YES1: variants seen among roughly 807,000 people sequenced by gnomAD.
YES1 encodes YES proto-oncogene 1, Src family tyrosine kinase.
Under a neutral mutation model 70.4 loss-of-function variants are expected in YES1, and 39 were observed. That is an observed-to-expected ratio of 0.55 (90% CI 0.43 to 0.72). The LOEUF is 0.72. Among genes scored for constraint, YES1 ranks in the 30% least tolerant of loss-of-function variants. The pLI is 0.00. For synonymous variants in YES1, 198 were observed against 218.6 expected, an observed-to-expected ratio of 0.91 and a Z score of 0.83; for missense variants, 495 against 644.8, an observed-to-expected ratio of 0.77 and a Z score of 2.52.
intron 1 of YES1, among the ~76,000 whole-genome samples, chr18:793,460 C>T (rs1161458765): frequency 6.6e-6 from 1 of 152,166 alleles, no homozygotes; most frequent in African/African-American, 2.4e-5. Flanking sequence ...TCTCAGCCTC[C>T]TGAGTAGCTA....
At position 732,815 on chromosome 18, in the gene YES1, C is replaced by A. The variant is rs1277002920; in HGVS notation, c.1423+19G>T. ...AAGCCACTCATGAGATAACCAAGAG[C>A]TATAAAATGCAAGCTTACCTGGATA... is the stretch of plus-strand genomic sequence containing the variant. On this transcript the variant is annotated intron_variant, in intron 11 of 11. Transcript: ENST00000314574. The A allele has an allele frequency of 6.2e-7, 1 of 1,613,920 alleles. No individual in the cohort carries two copies. The highest frequency in any genetic ancestry group is 1.3e-5 in the African/African-American group (1 of 74,916).
chr18:744,363 A>G (rs2080252538), intron 6 of YES1, among the ~76,000 whole-genome samples: 1 of 151,088 alleles, frequency 6.6e-6, no homozygotes, highest in Admixed American at 6.7e-5. Context: ...TCAAGGAAAA[A>G]GTTCATTTAG....
chr18:759,441 T>C (rs1382058494), intron 1 of YES1, among the ~76,000 whole-genome samples: 1 of 152,174 alleles, frequency 6.6e-6, no homozygotes, highest in Non-Finnish European at 1.5e-5. Flanking sequence ...CACTCCAGCC[T>C]GGGCGACAAG....
intron 1 of YES1, among the ~76,000 whole-genome samples, chr18:789,975 T>C (rs1295810844): frequency 2.0e-5 from 3 of 152,144 alleles, no homozygotes; most frequent in East Asian, 1.9e-4. Context: ...GGAGAACTGC[T>C]TGAACCAGGG....
chr18:730,764 A>G (rs1339047376), intron 11 of YES1, among the ~76,000 whole-genome samples: 1 of 152,184 alleles, frequency 6.6e-6, no homozygotes, highest in African/African-American at 2.4e-5. Flanking sequence ...CAGTGCTATA[A>G]TAAGTTGGAT....
At chr18:798,341 A>G (rs186294648) in intron 1 of YES1, among the ~76,000 whole-genome samples, 1 of 152,328 alleles carries the variant, frequency 6.6e-6, no homozygotes, top group African/African-American at 2.4e-5. Flanking sequence ...CTTTTCTGAA[A>G]CATCGGTCAT....
At position 743,246 on chromosome 18, in the gene YES1, T is replaced by C; in HGVS notation, c.880+14A>G. The C allele has an allele frequency of 6.2e-7, 1 of 1,601,612 alleles. No homozygotes were observed. Among genetic ancestry groups the C allele is most frequent in the Non-Finnish European group, 8.5e-7 (1 of 1,172,562 alleles). The stretch of plus-strand genomic sequence containing the variant: ...GCTAAACAATGACAGAAAACAAAAA[T>C]TCAGGCTTCTTACCCATCCACACTT... On this transcript the variant is annotated intron_variant, in intron 7 of 11. Transcript: ENST00000314574.
At chr18:733,950 T>C (rs1047313525) in intron 10 of YES1, among the ~76,000 whole-genome samples, 1 of 152,214 alleles carries the variant, frequency 6.6e-6, no homozygotes, top group Admixed American at 6.5e-5. Context: ...AGATGATCAA[T>C]TTTCCTTGGC....
Position 724,567 on chromosome 18 carries a change from A to G in YES1, c.1489T>C (p.Cys497Arg). The G allele has an allele frequency of 6.2e-7, 1 of 1,614,202 alleles. No individual in the cohort carries two copies. The highest frequency in any genetic ancestry group is 8.5e-7 in the Non-Finnish European group (1 of 1,180,038). The stretch of plus-strand genomic sequence containing the variant: ...ATCAATTCATGGAGGGATTCTGGAC[A>G]GCCCTGAGGGCACGGCATCCTGTAT... ...RGYRMPCPQG[C>R]PESLHELMNL... The change falls in exon 12 of 12, where the codon TGT (cysteine) becomes CGT (arginine). Residue 497 changes from cysteine to arginine, a missense_variant. Coordinates refer to ENST00000314574, the MANE Select transcript of YES1 (RefSeq NM_005433.4).
intron 1 of YES1, among the ~76,000 whole-genome samples, chr18:763,508 G>A (rs1449424440): frequency 1.3e-5 from 2 of 151,816 alleles, no homozygotes; most frequent in African/African-American, 2.4e-5. Context: ...CAGCCTGGGC[G>A]TCATGGCAGA....
In YES1 at chr18:751,779, T is replaced by C. The variant is rs770347963; in HGVS notation, c.297A>G (p.Leu99=). The change falls in exon 3 of 12, where the codon TTA becomes TTG. Residue 99 remains leucine (L), a synonymous_variant. Coordinates refer to ENST00000314574, the MANE Select transcript of YES1 (RefSeq NM_005433.4). Reference sequence around the variant, plus strand: ...CTGTAGTTCTAGCTTCATAATCATATAAGGCCACAAATATAGTAACACCAC... The same window carrying C: ...CTGTAGTTCTAGCTTCATAATCATACAAGGCCACAAATATAGTAACACCAC... ...LTGGVTIFVA[L]YDYEARTTED... 8.1e-6 allele frequency: 13 copies of C among 1,604,124 alleles called. No homozygotes were observed. The South Asian group carries it at 1.3e-4, about 16-fold the overall frequency.
At chr18:729,387 CCTGGGAGACAGAGCGAGACT>C (rs1433247621) in intron 11 of YES1, among the ~76,000 whole-genome samples, 1 of 151,490 alleles carries the variant, frequency 6.6e-6, no homozygotes, top group Admixed American at 6.6e-5. Flanking sequence ...TGTACTCCAG[CCTGGGAGACAGAGCGAGACT>C]CTGTCCCAAA....
At chr18:795,910 TAA>T (rs1049137816) in intron 1 of YES1, among the ~76,000 whole-genome samples, 19 of 101,636 alleles carry the variant, frequency 1.9e-4, no homozygotes, top group African/African-American at 7.2e-4. Flanking sequence ...TCCCAGAACT[TAA>T]ACACACACAC....
At chr18:799,706 A>G (rs1185017078) in intron 1 of YES1, among the ~76,000 whole-genome samples, 1 of 152,096 alleles carries the variant, frequency 6.6e-6, no homozygotes, top group African/African-American at 2.4e-5. Context: ...CCATTTCAAA[A>G]AAAATTTTAA....
At position 736,802 on chromosome 18, in the gene YES1, T is replaced by C. The variant is rs920742161; in HGVS notation, c.1291+6A>G. 2 of 1,608,828 alleles carry C rather than the reference T, an allele frequency of 1.2e-6. No individual in the cohort carries two copies. Among genetic ancestry groups the C allele is most frequent in the Non-Finnish European group, 1.7e-6 (2 of 1,178,930 alleles). On this transcript the variant is annotated splice_donor_region_variant and intron_variant, in intron 10 of 11. Transcript: ENST00000314574. ...ATTACAAGCTTTTATGTAAAAGTAA[T>C]TTTACCTTGTCTTGCTGTGTATTCA...
At chr18:774,434 A>G (rs1184315721) in intron 1 of YES1, among the ~76,000 whole-genome samples, 1 of 152,168 alleles carries the variant, frequency 6.6e-6, no homozygotes, top group Non-Finnish European at 1.5e-5. Context: ...AAGGATTTCA[A>G]ATTTAACATT....
At chr18:729,554 T>G (rs548372002) in intron 11 of YES1, among the ~76,000 whole-genome samples, 2 of 152,056 alleles carry the variant, frequency 1.3e-5, no homozygotes, top group South Asian at 4.1e-4. Flanking sequence ...TATATTGCTA[T>G]TTTGAAGTCT....
intron 1 of YES1, among the ~76,000 whole-genome samples, chr18:785,526 G>A (rs1013604670): frequency 6.6e-6 from 1 of 152,152 alleles, no homozygotes; most frequent in Non-Finnish European, 1.5e-5. Flanking sequence ...TAGTAGGGCT[G>A]TGGTTGGCAT....
At chr18:781,170 G>C (rs1905640853) in intron 1 of YES1, among the ~76,000 whole-genome samples, 1 of 151,210 alleles carries the variant, frequency 6.6e-6, no homozygotes, top group African/African-American at 2.4e-5. Flanking sequence ...TCAGGAGGCT[G>C]AGGCAGAAGA....
Sources: gnomAD v4.1 joint callset for allele counts (sites outside exome capture counted in the v4.1 genomes callset) on GRCh38, gnomAD v4.1.1 for gene constraint, MANE v1.5 for transcripts, NCBI Gene and HGNC (gene_info 2026-07-23, HGNC 2026-07-21) for gene names.